FALEC: variants seen among roughly 807,000 people sequenced by gnomAD.
FALEC encodes focally amplified lncRNA regulator of ECM1, also known as focally amplified lncRNA on chromosome 1.
the FALEC span, among the ~76,000 whole-genome samples, chr1:150,533,960 T>A: frequency 1.3e-5 from 2 of 152,344 alleles, no homozygotes; most frequent in East Asian, 3.9e-4. Flanking sequence ...GTGCTTTACC[T>A]GTTTTTAAAA....
chr1:150,524,435 T>G, the FALEC span, among the ~76,000 whole-genome samples: 2 of 152,152 alleles, frequency 1.3e-5, no homozygotes, highest in Admixed American at 1.3e-4. Flanking sequence ...TCAAAAAAAG[T>G]CACATCATCT....
At chr1:150,522,580 G>A (rs1216717937), downstream of FALEC, among the ~76,000 whole-genome samples, 4 of 149,992 alleles carry the variant, frequency 2.7e-5, no homozygotes, top group Non-Finnish European at 5.9e-5. Flanking sequence ...CCAAGATGGC[G>A]CCACTGCACT....
At chr1:150,520,253 G>A (rs745546037), downstream of FALEC, among the ~76,000 whole-genome samples, 6 of 152,042 alleles carry the variant, frequency 3.9e-5, no homozygotes, top group East Asian at 9.6e-4. Flanking sequence ...TTGTACAACC[G>A]TCACCACTAT....
At chr1:150,527,761 A>T in the FALEC span, among the ~76,000 whole-genome samples, 64 of 152,150 alleles carry the variant, frequency 4.2e-4, no homozygotes, top group African/African-American at 1.5e-3. Flanking sequence ...GAGGCAGGAG[A>T]ATCGCTTGAA....
At chr1:150,515,836 C>G (rs1337723265) in exon 1 of FALEC, 2 of 152,408 alleles carry the variant, frequency 1.3e-5, no homozygotes, top group East Asian at 3.8e-4. Flanking sequence ...CCCCTACCCC[C>G]CGGTCCCACG....
At chr1:150,520,514 G>A (rs949799927), downstream of FALEC, among the ~76,000 whole-genome samples, 3 of 152,026 alleles carry the variant, frequency 2.0e-5, no homozygotes, top group Non-Finnish European at 2.9e-5. Context: ...TTTTATGGCT[G>A]AATCATATTC....
intron 1 of FALEC, among the ~76,000 whole-genome samples, chr1:150,516,844 G>A (rs762143587): frequency 1.1e-4 from 16 of 152,142 alleles, no homozygotes; most frequent in Non-Finnish European, 2.2e-4. Context: ...AAGTACTCTG[G>A]CTATAACGAA....
chr1:150,529,788 G>A, the FALEC span, among the ~76,000 whole-genome samples: 3 of 151,990 alleles, frequency 2.0e-5, no homozygotes, highest in South Asian at 2.1e-4. Context: ...TAGTAGAGAC[G>A]GGGTTTTCCC....
downstream of FALEC, among the ~76,000 whole-genome samples, chr1:150,521,375 C>T (rs1262953542): frequency 6.6e-6 from 1 of 152,170 alleles, no homozygotes; most frequent in Non-Finnish European, 1.5e-5. Context: ...CTCTCCAATT[C>T]TTGAGGTTGT....
At chr1:150,530,538 G>A in the FALEC span, among the ~76,000 whole-genome samples, 1 of 152,134 alleles carries the variant, frequency 6.6e-6, no homozygotes, top group Non-Finnish European at 1.5e-5. Flanking sequence ...ACTAAGTGCT[G>A]GTTATTATTG....
the FALEC span, among the ~76,000 whole-genome samples, chr1:150,533,402 T>G: frequency 6.6e-6 from 1 of 151,128 alleles, no homozygotes; most frequent in East Asian, 1.9e-4. Flanking sequence ...GTTTTTTGTG[T>G]ATACCTATCT....
the FALEC span, among the ~76,000 whole-genome samples, chr1:150,534,216 C>T: frequency 6.6e-6 from 1 of 152,140 alleles, no homozygotes; most frequent in Non-Finnish European, 1.5e-5. Flanking sequence ...AGGAGGGCGG[C>T]ACCTCCCCTG....
chr1:150,526,612 A>G, the FALEC span, among the ~76,000 whole-genome samples: 1 of 149,696 alleles, frequency 6.7e-6, no homozygotes, highest in African/African-American at 2.5e-5. Context: ...TAATTTTTGT[A>G]TTTTTATTTC....
the FALEC span, among the ~76,000 whole-genome samples, chr1:150,527,852 A>G: frequency 6.6e-6 from 1 of 152,154 alleles, no homozygotes; most frequent in Non-Finnish European, 1.5e-5. Flanking sequence ...TCCATCTCAA[A>G]AAATGTATAA....
At chr1:150,527,693 T>G in the FALEC span, among the ~76,000 whole-genome samples, 1 of 151,770 alleles carries the variant, frequency 6.6e-6, no homozygotes, top group Non-Finnish European at 1.5e-5. Flanking sequence ...CTACTAAAAA[T>G]ACAAAAGTTA....
At chr1:150,533,491 A>G in the FALEC span, among the ~76,000 whole-genome samples, 10 of 131,206 alleles carry the variant, frequency 7.6e-5, no homozygotes, top group Non-Finnish European at 1.4e-4. Context: ...GCTGGAGTGC[A>G]GTGGTGCAAT....
At chr1:150,520,783 CTTTT>C (rs71086518), downstream of FALEC, among the ~76,000 whole-genome samples, 32 of 42,816 alleles carry the variant, frequency 7.5e-4, 1 homozygote, top group African/African-American at 1.3e-3. Context: ...CTTTTCTTTT[CTTTT>C]TTTTTTTTTT....
At chr1:150,523,651 CAAA>C in the FALEC span, among the ~76,000 whole-genome samples, 51 of 108,968 alleles carry the variant, frequency 4.7e-4, no homozygotes, top group African/African-American at 6.2e-4. Context: ...GAGACTCCGT[CAAA>C]AAAAAAAAAA....
the FALEC span, among the ~76,000 whole-genome samples, chr1:150,523,322 C>A: frequency 6.6e-6 from 1 of 150,418 alleles, no homozygotes; most frequent in Non-Finnish European, 1.5e-5. Flanking sequence ...TCATCTGTCT[C>A]ATTTTACTTT....
Sources: allele counts gnomAD v4.1 joint callset (sites outside exome capture counted in the v4.1 genomes callset), GRCh38; gene constraint gnomAD v4.1.1; transcripts MANE v1.5; gene names NCBI Gene and HGNC (gene_info 2026-07-23, HGNC 2026-07-21).